Variants in ATRNL1 observed in about 807,000 individuals in gnomAD.
The protein encoded by ATRNL1 is attractin-like protein 1.
In ATRNL1, 95 loss-of-function variants were observed where a neutral mutation model predicts 182.7. That is an observed-to-expected ratio of 0.52 (90% CI 0.44 to 0.62). ATRNL1 has a LOEUF of 0.62. ATRNL1 is among the 20% of genes least tolerant of loss of function. The pLI, the probability that ATRNL1 is intolerant of heterozygous loss-of-function variation, is 0.00. For synonymous variants in ATRNL1, 576 were observed against 568.3 expected (o/e 1.01, Z -0.19); for missense variants, 1,471 against 1,679.5 (o/e 0.88, Z 2.17).
intron 19 of ATRNL1, among the ~76,000 whole-genome samples, chr10:115,362,003 G>C (rs1268977528): frequency 6.6e-6 from 1 of 151,964 alleles, no homozygotes; most frequent in Non-Finnish European, 1.5e-5. Context: ...ATATAGGCAA[G>C]TACAGGTGCC....
At chr10:115,535,913 C>T (rs1436578667) in intron 25 of ATRNL1, among the ~76,000 whole-genome samples, 1 of 151,886 alleles carries the variant, frequency 6.6e-6, no homozygotes, top group Admixed American at 6.5e-5. Flanking sequence ...GCGGTGTCTG[C>T]AGAACAGCAG....
At chr10:115,390,582 A>G (rs1407794575) in intron 19 of ATRNL1, among the ~76,000 whole-genome samples, 2 of 151,970 alleles carry the variant, frequency 1.3e-5, no homozygotes, top group East Asian at 3.9e-4. Flanking sequence ...TTTGTTTAAT[A>G]TAGGTTTGTA....
At chr10:115,682,611 A>G (rs1431314483) in intron 26 of ATRNL1, among the ~76,000 whole-genome samples, 1 of 152,122 alleles carries the variant, frequency 6.6e-6, no homozygotes, top group African/African-American at 2.4e-5. Context: ...AATAATGCCT[A>G]TTTGTAAACT....
At chr10:115,109,260 A>T (rs1844157388) in intron 1 of ATRNL1, among the ~76,000 whole-genome samples, 1 of 152,110 alleles carries the variant, frequency 6.6e-6, no homozygotes, top group Non-Finnish European at 1.5e-5. Context: ...ATGCTTCAAT[A>T]CCAGTTTTTT....
chr10:115,159,137 A>T (rs1430814732), intron 5 of ATRNL1, among the ~76,000 whole-genome samples: 3 of 151,602 alleles, frequency 2.0e-5, no homozygotes, highest in African/African-American at 7.2e-5. Flanking sequence ...TTCAGTAAAT[A>T]TTAGTTTTAT....
chr10:115,275,402 C>T (rs904614721), intron 13 of ATRNL1, among the ~76,000 whole-genome samples: 2 of 152,134 alleles, frequency 1.3e-5, no homozygotes, highest in African/African-American at 2.4e-5. Context: ...TTCCCTTTCC[C>T]CAGTGCATAG....
intron 26 of ATRNL1, among the ~76,000 whole-genome samples, chr10:115,707,409 A>G (rs2134009544): frequency 6.6e-6 from 1 of 151,896 alleles, no homozygotes; most frequent in East Asian, 1.9e-4. Flanking sequence ...TATCAATGAT[A>G]TGGAAATATA....
chr10:115,198,703 T>C (rs907595864), intron 8 of ATRNL1, among the ~76,000 whole-genome samples: 3 of 152,204 alleles, frequency 2.0e-5, no homozygotes, highest in Non-Finnish European at 4.4e-5. Flanking sequence ...AATGAGGGTC[T>C]AATTTTATTC....
At chr10:115,774,326 G>T (rs965611239) in intron 27 of ATRNL1, among the ~76,000 whole-genome samples, 11 of 147,228 alleles carry the variant, frequency 7.5e-5, no homozygotes, top group African/African-American at 2.0e-4. Context: ...TACTCAAGAG[G>T]CTGAGGCAGA....
intron 8 of ATRNL1, among the ~76,000 whole-genome samples, chr10:115,190,114 A>G (rs1848111948): frequency 6.6e-6 from 1 of 152,038 alleles, no homozygotes; most frequent in Non-Finnish European, 1.5e-5. Flanking sequence ...GTAGAAGTAT[A>G]CTCTATGATG....
intron 17 of ATRNL1, among the ~76,000 whole-genome samples, chr10:115,303,442 C>T (rs12780535): frequency 0.28 from 43,201 of 151,870 alleles, 7,969 homozygotes; most frequent in Middle Eastern, 0.41. Context: ...AGGCTGATCT[C>T]GAACTCCTGA....
At chr10:115,661,388 T>A (rs1341963762) in intron 26 of ATRNL1, among the ~76,000 whole-genome samples, 1 of 152,112 alleles carries the variant, frequency 6.6e-6, no homozygotes, top group Non-Finnish European at 1.5e-5. Context: ...ATATACTAAA[T>A]GAAAACAGAA....
chr10:115,717,609 T>G (rs1007141041), intron 26 of ATRNL1, among the ~76,000 whole-genome samples: 2 of 140,054 alleles, frequency 1.4e-5, no homozygotes, highest in Non-Finnish European at 3.0e-5. Flanking sequence ...TAGAGTGCAG[T>G]GGTGCAATCT....
chr10:115,856,750 G>A (rs1307285166), intron 28 of ATRNL1, among the ~76,000 whole-genome samples: 5 of 152,082 alleles, frequency 3.3e-5, no homozygotes, highest in Non-Finnish European at 7.4e-5. Context: ...CCGCTGATCC[G>A]ACAGGAGGCG....
At chr10:115,790,674 T>C (rs1009158848) in intron 27 of ATRNL1, among the ~76,000 whole-genome samples, 5 of 152,094 alleles carry the variant, frequency 3.3e-5, no homozygotes, top group Non-Finnish European at 7.4e-5. Context: ...TATATTGGTG[T>C]CAGAGAGATC....
At chr10:115,285,580 T>G (rs1050955572) in intron 14 of ATRNL1, among the ~76,000 whole-genome samples, 3 of 152,124 alleles carry the variant, frequency 2.0e-5, no homozygotes, top group African/African-American at 7.2e-5. Flanking sequence ...TCAATTTGGA[T>G]TCTATAGATA....
intron 24 of ATRNL1, among the ~76,000 whole-genome samples, chr10:115,472,784 GCAAA>G (rs782154396): frequency 9.3e-5 from 14 of 151,034 alleles, no homozygotes; most frequent in Non-Finnish European, 1.5e-4. Flanking sequence ...CATGTCATCT[GCAAA>G]CAGAGACAGG....
intron 26 of ATRNL1, among the ~76,000 whole-genome samples, chr10:115,726,662 C>T (rs1433746053): frequency 1.3e-5 from 2 of 152,152 alleles, no homozygotes; most frequent in Non-Finnish European, 2.9e-5. Flanking sequence ...CTAATCATGC[C>T]TCATTTTGAA....
At chr10:115,100,160 G>A (rs782022537) in intron 1 of ATRNL1, among the ~76,000 whole-genome samples, 24 of 152,054 alleles carry the variant, frequency 1.6e-4, no homozygotes, top group Non-Finnish European at 2.1e-4. Context: ...TGGTCGTGGC[G>A]GTGTGCGCAT....
Sources: allele counts gnomAD v4.1 joint callset (sites outside exome capture counted in the v4.1 genomes callset), GRCh38; gene constraint gnomAD v4.1.1; transcripts MANE v1.5; gene names NCBI Gene and HGNC (gene_info 2026-07-23, HGNC 2026-07-21).